ASPH: variants seen among roughly 807,000 people sequenced by gnomAD.
ASPH encodes the protein aspartyl/asparaginyl beta-hydroxylase.
In ASPH, 100 loss-of-function variants were observed where a neutral mutation model predicts 118.4. The observed-to-expected ratio is 0.84, with a 90% CI of 0.72 to 1.00. ASPH has a LOEUF of 1.00. Ranked by LOEUF, ASPH falls within the 50% of genes least tolerant of loss-of-function variation. ASPH has a pLI of 0.00. For synonymous variants in ASPH, 315 were observed against 325.6 expected (o/e 0.97, Z 0.35); for missense variants, 920 against 919.5 (o/e 1.00, Z -0.01).
chr8:61,580,642 T>C (rs560829085), intron 15 of ASPH, among the ~76,000 whole-genome samples: 1 of 152,354 alleles, frequency 6.6e-6, no homozygotes, highest in African/African-American at 2.4e-5. Context: ...ACGGGAATAT[T>C]TGTCCTTGTC....
At chr8:61,589,641 C>T (rs1172980715) in intron 14 of ASPH, among the ~76,000 whole-genome samples, 1 of 152,192 alleles carries the variant, frequency 6.6e-6, no homozygotes, top group African/African-American at 2.4e-5. Context: ...AAAACACTGG[C>T]CGTTCCTCAG....
chr8:61,654,047 T>C (rs1362430975), intron 3 of ASPH, among the ~76,000 whole-genome samples: 1 of 152,198 alleles, frequency 6.6e-6, no homozygotes, highest in Non-Finnish European at 1.5e-5. Context: ...CACTTGAATT[T>C]TCTGTTATTC....
At chr8:61,511,636 T>C (rs974488284) in intron 24 of ASPH, among the ~76,000 whole-genome samples, 8 of 152,192 alleles carry the variant, frequency 5.3e-5, no homozygotes, top group African/African-American at 1.4e-4. Context: ...GAAGTTTCAC[T>C]CTTGTCACCC....
intron 17 of ASPH, among the ~76,000 whole-genome samples, 183 bp downstream of exon 17, chr8:61,566,985 A>C (rs772918119): frequency 2.6e-5 from 4 of 152,176 alleles, no homozygotes; most frequent in Non-Finnish European, 5.9e-5. Flanking sequence ...TGCCTCTATT[A>C]AGATTAGGAT....
intron 21 of ASPH, among the ~76,000 whole-genome samples, chr8:61,532,417 A>G (rs890932153): frequency 1.3e-5 from 2 of 152,074 alleles, no homozygotes; most frequent in Non-Finnish European, 2.9e-5. Flanking sequence ...AGTTCCTTCT[A>G]TATTTTGGTT....
chr8:61,681,556 T>C (rs1828075449), intron 2 of ASPH, among the ~76,000 whole-genome samples: 1 of 151,836 alleles, frequency 6.6e-6, no homozygotes, highest in South Asian at 2.1e-4. Flanking sequence ...TTTTATATTT[T>C]ACAATGATGA....
intron 14 of ASPH, among the ~76,000 whole-genome samples, chr8:61,607,899 A>G (rs1846084657): frequency 6.6e-6 from 1 of 152,238 alleles, no homozygotes; most frequent in South Asian, 2.1e-4. Flanking sequence ...TTAAGCAGCA[A>G]AAATCTCAAA....
intron 13 of ASPH, chr8:61,624,540 A>G (rs1852047204): frequency 1.0e-6 from 1 of 968,340 alleles, no homozygotes; most frequent in African/African-American, 1.8e-5. Flanking sequence ...CAATATAGAG[A>G]ATTCTTCTGT....
At chr8:61,546,257 T>C (rs976612927) in intron 21 of ASPH, among the ~76,000 whole-genome samples, 2 of 152,212 alleles carry the variant, frequency 1.3e-5, no homozygotes, top group Non-Finnish European at 2.9e-5. Context: ...GCCCTACTGC[T>C]AGGCTTCCAG....
chr8:61,606,990 G>A (rs1003739049), intron 14 of ASPH: 3 of 339,328 alleles, frequency 8.8e-6, no homozygotes, highest in Admixed American at 9.4e-5. Context: ...CAGCTCAAAT[G>A]TCATCGCTCC....
chr8:61,635,121 G>C (rs1184295316), intron 12 of ASPH, among the ~76,000 whole-genome samples: 1 of 152,078 alleles, frequency 6.6e-6, no homozygotes, highest in African/African-American at 2.4e-5. Flanking sequence ...CTTTTGGTAA[G>C]ATCACTCACA....
At chr8:61,549,491 C>G (rs1825106310) in intron 20 of ASPH, among the ~76,000 whole-genome samples, 4 of 152,046 alleles carry the variant, frequency 2.6e-5, no homozygotes, top group Admixed American at 2.0e-4. Flanking sequence ...ATTTAGTTAT[C>G]TTTTTTATTA....
chr8:61,650,523 G>T (rs905671833), intron 5 of ASPH, among the ~76,000 whole-genome samples: 29 of 152,012 alleles, frequency 1.9e-4, no homozygotes, highest in African/African-American at 6.3e-4. Context: ...TAGTTCCTGG[G>T]TTATTACTTA....
chr8:61,680,859 G>A, intron 3 of ASPH, 109 bp downstream of exon 3: 1 of 846,852 alleles, frequency 1.2e-6, no homozygotes, highest in Non-Finnish European at 1.7e-6. Context: ...ATTTAAGGGA[G>A]AAAAGTCTCC....
At chr8:61,620,409 T>C (rs915452116) in intron 13 of ASPH, among the ~76,000 whole-genome samples, 6 of 46,406 alleles carry the variant, frequency 1.3e-4, no homozygotes, top group Non-Finnish European at 2.7e-4. Context: ...GTCTTGACTT[T>C]TGCAAAGAGT....
At chr8:61,582,550 T>C (rs1267080727) in intron 15 of ASPH, among the ~76,000 whole-genome samples, 1 of 152,210 alleles carries the variant, frequency 6.6e-6, no homozygotes, top group Non-Finnish European at 1.5e-5. Context: ...TAGGAATCAT[T>C]CCACGTGGTT....
chr8:61,632,665 G>T, intron 13 of ASPH: 1 of 496,142 alleles, frequency 2.0e-6, no homozygotes, highest in South Asian at 1.5e-5. Flanking sequence ...TCAAATATTT[G>T]TTTCTGCAGA....
intron 20 of ASPH, 67 bp downstream of exon 20, chr8:61,552,964 C>T: frequency 2.3e-6 from 3 of 1,324,340 alleles, no homozygotes; most frequent in East Asian, 2.4e-5. Context: ...TCTAACTTTC[C>T]TAGAAATAAT....
chr8:61,538,254 A>C (rs1369394605), intron 21 of ASPH, among the ~76,000 whole-genome samples: 1 of 152,204 alleles, frequency 6.6e-6, no homozygotes, highest in African/African-American at 2.4e-5. Flanking sequence ...TTCACCGTTA[A>C]ATCATGTAAT....
Sources: allele counts gnomAD v4.1 joint callset (sites outside exome capture counted in the v4.1 genomes callset), GRCh38; gene constraint gnomAD v4.1.1; transcripts MANE v1.5; gene names NCBI Gene and HGNC (gene_info 2026-07-23, HGNC 2026-07-21).